Variants in THRA observed in about 807,000 individuals in gnomAD.
THRA encodes EAR-7.
Under a neutral mutation model 45.0 loss-of-function variants are expected in THRA, and 13 were observed. That is an observed-to-expected ratio of 0.29 (90% CI 0.19 to 0.46). THRA has a LOEUF of 0.46. THRA is among the 20% of genes least tolerant of loss of function. The probability of loss-of-function intolerance (pLI) is 1.00; values close to 1 mark genes in which losing one functional copy is unlikely to be tolerated. For missense variants in THRA, 278 were observed against 556.1 expected, an observed-to-expected ratio of 0.50 and a Z score of 5.03; for synonymous variants, 195 against 214.0, an observed-to-expected ratio of 0.91 and a Z score of 0.78.
chr17:40,079,641 C>T (rs1372462047), intron 4 of THRA, among the ~76,000 whole-genome samples: 1 of 152,162 alleles, frequency 6.6e-6, no homozygotes, highest in Non-Finnish European at 1.5e-5. Flanking sequence ...GAGTCCAAGG[C>T]AGGCAGATCA....
chr17:40,082,609 G>C (rs9891345), intron 4 of THRA, among the ~76,000 whole-genome samples: 1 of 151,976 alleles, frequency 6.6e-6, no homozygotes, highest in African/African-American at 2.4e-5. Context: ...CAGTCTGCCC[G>C]CCTGGGCCTC....
In THRA at chr17:40,077,497, C is replaced by A. The variant is rs758546954; in HGVS notation, c.122-11C>A. ...CATGCCTGCCTTCCTCCATCCTTTC[C>A]TTCCTCCCAGGGTATATCCCTAGTT... On this transcript the variant is annotated splice_polypyrimidine_tract_variant and intron_variant, in intron 3 of 8. Transcript: ENST00000450525. 10 of 1,612,682 alleles carry A rather than the reference C, an allele frequency of 6.2e-6. No homozygotes were observed. Among genetic ancestry groups the A allele is most frequent in the African/African-American group, 5.3e-5 (4 of 74,868 alleles).
At chr17:40,067,936 C>G (rs989911228) in intron 1 of THRA, among the ~76,000 whole-genome samples, 1 of 152,202 alleles carries the variant, frequency 6.6e-6, no homozygotes, top group Admixed American at 6.5e-5. Context: ...CGGAGGATCG[C>G]TTAAGCCTGG....
chr17:40,086,636 G>T, intron 6 of THRA, 71 bp from the exon 7 acceptor site: 1 of 1,567,592 alleles, frequency 6.4e-7, no homozygotes. Flanking sequence ...GCTCCCCCTG[G>T]TGGGCAGGGA....
At chr17:40,075,926 C>CA (rs1986938214) in intron 2 of THRA, among the ~76,000 whole-genome samples, 1 of 152,200 alleles carries the variant, frequency 6.6e-6, no homozygotes, top group Non-Finnish European at 1.5e-5. Flanking sequence ...GTCACTGTGT[C>CA]AGTGTGTTGG....
rs1369538703 is a variant in THRA at position 40,091,259 on chromosome 17, C to CGG, written c.*1803_*1804insGG. 1.9e-5 allele frequency: 3 copies of CGG among 155,916 alleles called. No individual in the cohort carries two copies. The highest frequency in any genetic ancestry group is 2.8e-5 in the Non-Finnish European group (2 of 71,738). The allele number at this position is 155,916 out of a possible 1,614,324, so 9.7% of individuals were successfully genotyped here. On this transcript the variant is annotated 3_prime_UTR_variant, in exon 9 of 9. Coordinates refer to ENST00000450525, the MANE Select transcript of THRA (RefSeq NM_199334.5). ...ACACACACACACACACACACACACA[C>CGG]ACACACACACACGGACATGCACACA...
rs1165420081 is a variant in THRA at position 40,084,675 on chromosome 17, C to T, written c.436C>T (p.Arg146Trp). The change falls in exon 6 of 9, where the codon CGG (arginine) becomes TGG (tryptophan). Residue 146 changes from arginine (R) to tryptophan (W), a missense_variant. Physicochemically the swap from Arg to Trp is moderately radical, Grantham distance 101 (BLOSUM62 -3). Coordinates refer to ENST00000450525, the MANE Select transcript of THRA (RefSeq NM_199334.5). ...GATTGAGCAGAACCGGGAGCGGCGG[C>T]GGAAGGAGGAGATGATCCGATCACT... The part of the protein sequence containing the change: ...KLIEQNRERR[R>W]KEEMIRSLQQ... 4 of 1,613,964 alleles carry T rather than the reference C, an allele frequency of 2.5e-6. No homozygotes were observed. Among genetic ancestry groups the T allele is most frequent in the South Asian group, 1.1e-5 (1 of 91,080 alleles).
At position 40,090,081 on chromosome 17, in the gene THRA, ATTAAG is replaced by A. The variant is rs1468678056; in HGVS notation, c.*629_*633del. On this transcript the variant is annotated 3_prime_UTR_variant, in exon 9 of 9. Transcript: ENST00000450525. ...AGAGCGAGCGATAGAGAGAGATGATATTAAGTTATTAACTGAGGCTGACCAGAGGG... is the reference window on the plus strand; with the variant it reads ...AGAGCGAGCGATAGAGAGAGATGATATTATTAACTGAGGCTGACCAGAGGG... The A allele has an allele frequency of 1.2e-5, 12 of 970,576 alleles. No individual in the cohort carries two copies. The highest frequency in any genetic ancestry group is 1.3e-5 in the Non-Finnish European group (11 of 816,054). 60.1% of individuals were successfully genotyped at this position (970,576 alleles called of 1,614,324 possible).
chr17:40,087,008 A>G (rs1987342164), intron 7 of THRA, 155 bp downstream of exon 7: 1 of 950,978 alleles, frequency 1.1e-6, no homozygotes, highest in Non-Finnish European at 1.6e-6. Flanking sequence ...ACACACACAC[A>G]TGCATACACA....
intron 8 of THRA, 145 bp downstream of exon 8, chr17:40,088,645 T>G: frequency 9.6e-7 from 1 of 1,044,832 alleles, no homozygotes; most frequent in Non-Finnish European, 1.4e-6. Context: ...CCCCTGTTCC[T>G]TGCTCTGTCA....
At chr17:40,085,800 C>T (rs111537333) in intron 6 of THRA, among the ~76,000 whole-genome samples, 7,716 of 152,212 alleles carry the variant, frequency 0.051, 604 homozygotes, top group African/African-American at 0.17. Context: ...TGCGCCACCA[C>T]GCCCGGCTAA....
At chr17:40,080,957 CGT>C (rs1201944123) in intron 4 of THRA, among the ~76,000 whole-genome samples, 1 of 151,970 alleles carries the variant, frequency 6.6e-6, no homozygotes, top group African/African-American at 2.4e-5. Flanking sequence ...CTCCTGACCT[CGT>C]GATCCACCCA....
rs1214939938 is a variant in THRA at position 40,088,269 on chromosome 17, C to T, written c.751C>T (p.Leu251=). 6.2e-7 allele frequency: 1 copy of T among 1,602,392 alleles called. No individual in the cohort carries two copies. Among genetic ancestry groups the T allele is most frequent in the Non-Finnish European group, 8.5e-7 (1 of 1,172,610 alleles). Residue 251 remains leucine, a synonymous_variant, in exon 8 of 9, where the codon CTG becomes TTG. Transcript: ENST00000450525. ...GCCTTGCGAAGACCAGATCATCCTC[C>T]TGAAGGGGTGCTGCATGGAGATCAT... ...ELPCEDQIIL[L]KGCCMEIMSL...
chr17:40,063,501 G>A (rs1037215017), intron 1 of THRA, among the ~76,000 whole-genome samples: 9 of 151,590 alleles, frequency 5.9e-5, no homozygotes, highest in African/African-American at 2.2e-4. Context: ...CCCACCCCTA[G>A]CCTCTGAGGC....
intron 6 of THRA, among the ~76,000 whole-genome samples, chr17:40,086,120 T>C (rs1987312753): frequency 6.6e-6 from 1 of 152,070 alleles, no homozygotes; most frequent in South Asian, 2.1e-4. Context: ...TCAAAAAATA[T>C]GATCAGTTTG....
intron 1 of THRA, among the ~76,000 whole-genome samples, chr17:40,063,398 T>A (rs1567645763): frequency 6.6e-6 from 1 of 151,976 alleles, no homozygotes; most frequent in Non-Finnish European, 1.5e-5. Context: ...TGCTGCGCAT[T>A]CCCGGGCCGG....
At chr17:40,063,470 C>T (rs1200909509) in intron 1 of THRA, among the ~76,000 whole-genome samples, 1 of 152,112 alleles carries the variant, frequency 6.6e-6, no homozygotes, top group Non-Finnish European at 1.5e-5. Flanking sequence ...TACGGTGCGC[C>T]GGAGGCCTGC....
At position 40,090,051 on chromosome 17, in the gene THRA, A is replaced by C; in HGVS notation, c.*595A>C. On this transcript the variant is annotated 3_prime_UTR_variant, in exon 9 of 9. Coordinates refer to ENST00000450525, the MANE Select transcript of THRA (RefSeq NM_199334.5). ...ACTAGACAGAGAGAAAAATACAAAA[A>C]AGAGAGAGCGAGCGATAGAGAGAGA... is the stretch of plus-strand genomic sequence containing the variant. 1 of 984,932 alleles carries C rather than the reference A, an allele frequency of 1.0e-6. No individual in the cohort carries two copies. Among genetic ancestry groups the C allele is most frequent in the Non-Finnish European group, 1.2e-6 (1 of 828,800 alleles). 61.0% of individuals were successfully genotyped at this position (984,932 alleles called of 1,614,324 possible).
At chr17:40,071,241 C>T (rs572938725) in intron 1 of THRA, among the ~76,000 whole-genome samples, 1 of 152,342 alleles carries the variant, frequency 6.6e-6, no homozygotes, top group Admixed American at 6.5e-5. Context: ...AAGCCCAGAG[C>T]AGATACGCAG....
Sources: allele counts gnomAD v4.1 joint callset (sites outside exome capture counted in the v4.1 genomes callset), GRCh38; gene constraint gnomAD v4.1.1; transcripts MANE v1.5; gene names NCBI Gene and HGNC (gene_info 2026-07-23, HGNC 2026-07-21).